Variants in ASTN2 observed in about 807,000 individuals in gnomAD.
ASTN2 encodes the protein astrotactin-2.
A neutral mutation model predicts 139.8 loss-of-function variants in ASTN2; 54 were observed. That is an observed-to-expected ratio of 0.39 (90% CI 0.31 to 0.48). ASTN2 has a LOEUF of 0.48. ASTN2 is among the 20% of genes least tolerant of loss of function. The probability of loss-of-function intolerance (pLI) is 0.95; values close to 1 mark genes in which losing one functional copy is unlikely to be tolerated. For missense variants in ASTN2, 1,565 were observed against 1,725.1 expected, an observed-to-expected ratio of 0.91 and a Z score of 1.64; for synonymous variants, 756 against 719.5, an observed-to-expected ratio of 1.05 and a Z score of -0.81.
At chr9:117,130,866 CCA>C (rs1413438062) in intron 4 of ASTN2, among the ~76,000 whole-genome samples, 1 of 152,186 alleles carries the variant, frequency 6.6e-6, no homozygotes, top group Non-Finnish European at 1.5e-5. Context: ...ACCTATTCAG[CCA>C]CAGTTCCCCT....
intron 17 of ASTN2, among the ~76,000 whole-genome samples, chr9:116,628,091 CCT>C (rs898396157): frequency 6.6e-6 from 1 of 152,164 alleles, no homozygotes; most frequent in Non-Finnish European, 1.5e-5. Context: ...TATTCACACC[CCT>C]GAGTCCACCC....
rs370935040 is a variant in ASTN2 at position 116,885,022 on chromosome 9, C to T, written c.1890-21289G>A. ...AGTAGAGACAGGGTTTCACAAATTT[C>T]CCCTTTTTATAAGGACAACAGTCAT... On this transcript the variant is annotated intron_variant, in intron 10 of 22. Coordinates refer to ENST00000313400, the MANE Select transcript of ASTN2 (RefSeq NM_001365068.1). Among the ~76,000 whole-genome samples, 7 of 151,934 alleles carry T rather than the reference C, an allele frequency of 4.6e-5. No individual in the cohort carries two copies. The East Asian group carries it at 1.4e-3, about 30-fold the overall frequency.
At chr9:116,715,764 C>T (rs1828294606) in intron 16 of ASTN2, among the ~76,000 whole-genome samples, 1 of 152,152 alleles carries the variant, frequency 6.6e-6, no homozygotes, top group Non-Finnish European at 1.5e-5. Flanking sequence ...GCCTCCTTAG[C>T]ACCTCATATT....
intron 2 of ASTN2, among the ~76,000 whole-genome samples, chr9:117,230,769 A>G (rs540767750): frequency 1.3e-5 from 2 of 152,276 alleles, no homozygotes; most frequent in East Asian, 1.9e-4. Context: ...GGGCAGAGGG[A>G]GCGGACAGTG....
intron 4 of ASTN2, among the ~76,000 whole-genome samples, chr9:117,112,090 T>C (rs530035582): frequency 1.3e-5 from 2 of 152,086 alleles, no homozygotes; most frequent in South Asian, 2.1e-4. Context: ...AGAAAAGGTA[T>C]GCAATATATC....
chr9:117,078,063 T>A (rs554724854), intron 5 of ASTN2, among the ~76,000 whole-genome samples: 1 of 152,150 alleles, frequency 6.6e-6, no homozygotes, highest in Non-Finnish European at 1.5e-5. Context: ...AAAGAGTCAA[T>A]GCGCACCCTC....
intron 16 of ASTN2, among the ~76,000 whole-genome samples, chr9:116,684,893 C>G (rs949343589): frequency 2.0e-5 from 3 of 152,242 alleles, no homozygotes; most frequent in African/African-American, 7.2e-5. Flanking sequence ...AACTTCCAAG[C>G]TGTCCTTGTT....
chr9:117,333,215 C>T (rs971019538), intron 1 of ASTN2, among the ~76,000 whole-genome samples: 1 of 152,182 alleles, frequency 6.6e-6, no homozygotes, highest in African/African-American at 2.4e-5. Context: ...CCTGTTAATT[C>T]CACCTCATCA....
chr9:117,015,173 C>T (rs1301382284), intron 6 of ASTN2, among the ~76,000 whole-genome samples: 1 of 152,034 alleles, frequency 6.6e-6, no homozygotes, highest in Non-Finnish European at 1.5e-5. Flanking sequence ...AGGACCATCA[C>T]ACCTGACTAA....
At chr9:116,834,723 C>T (rs935108384) in intron 11 of ASTN2, among the ~76,000 whole-genome samples, 1 of 152,182 alleles carries the variant, frequency 6.6e-6, no homozygotes, top group Non-Finnish European at 1.5e-5. Context: ...TAAACCCACT[C>T]CACTAATTTA....
intron 10 of ASTN2, among the ~76,000 whole-genome samples, chr9:116,886,367 TTTTC>T (rs1460078639): frequency 6.6e-6 from 1 of 152,224 alleles, no homozygotes; most frequent in African/African-American, 2.4e-5. Flanking sequence ...ATTGTTTCTT[TTTTC>T]TTTCTTTCTT....
At chr9:117,341,814 G>A (rs1267987106) in intron 1 of ASTN2, among the ~76,000 whole-genome samples, 1 of 152,142 alleles carries the variant, frequency 6.6e-6, no homozygotes, top group African/African-American at 2.4e-5. Context: ...AGAGTAATGG[G>A]AAAATCCTGC....
At chr9:116,618,608 G>C in intron 18 of ASTN2, 136 bp from the exon 19 acceptor site, 2 of 1,050,094 alleles carry the variant, frequency 1.9e-6, no homozygotes, top group Non-Finnish European at 2.7e-6. Context: ...TCGCCAACTT[G>C]CATGACCGTA....
chr9:117,035,766 G>A (rs538279443), intron 6 of ASTN2, among the ~76,000 whole-genome samples: 4 of 152,276 alleles, frequency 2.6e-5, no homozygotes, highest in African/African-American at 9.6e-5. Flanking sequence ...GGCTTCAAAT[G>A]CTGGATGCTC....
intron 6 of ASTN2, among the ~76,000 whole-genome samples, chr9:117,037,977 CAA>C (rs955433308): frequency 6.6e-6 from 1 of 152,124 alleles, no homozygotes; most frequent in African/African-American, 2.4e-5. Flanking sequence ...AAAGATGAGC[CAA>C]AGTCTTGTAC....
Position 116,444,763 on chromosome 9 carries a change from C to T in ASTN2, c.3498-2210G>A, listed in dbSNP as rs140534703. ...TCTAGCATTGTGAACTTGGGCAAGT[C>T]GCTTCACCTCTCTGAGCTCACTGCA... is the stretch of plus-strand genomic sequence containing the variant. On this transcript the variant is annotated intron_variant, in intron 20 of 22. Transcript: ENST00000313400. 2.5e-4 allele frequency among the ~76,000 whole-genome samples: 38 copies of T among 152,268 alleles called. No individual in the cohort carries two copies. The East Asian group carries it at 3.3e-3, about 13-fold the overall frequency.
intron 3 of ASTN2, among the ~76,000 whole-genome samples, chr9:117,189,241 T>C (rs1588056392): frequency 1.5e-5 from 1 of 65,322 alleles, no homozygotes; most frequent in Non-Finnish European, 3.5e-5. Context: ...AATTAGTCCC[T>C]TCCAGTCAGG....
intron 3 of ASTN2, among the ~76,000 whole-genome samples, chr9:117,159,004 A>G (rs1210960356): frequency 6.6e-6 from 1 of 151,938 alleles, no homozygotes; most frequent in Middle Eastern, 3.2e-3. Context: ...CTCCAGTCAC[A>G]GTCCTCATTC....
At chr9:116,720,181 A>T (rs1055218100) in intron 16 of ASTN2, among the ~76,000 whole-genome samples, 3 of 152,222 alleles carry the variant, frequency 2.0e-5, no homozygotes, top group African/African-American at 7.2e-5. Flanking sequence ...TCCTTTAAAA[A>T]GTAGTCTGGG....
Sources: allele counts gnomAD v4.1 joint callset (sites outside exome capture counted in the v4.1 genomes callset), GRCh38; gene constraint gnomAD v4.1.1; transcripts MANE v1.5; gene names NCBI Gene and HGNC (gene_info 2026-07-23, HGNC 2026-07-21).